Variants in CTNNA3 observed in about 807,000 individuals in gnomAD.
CTNNA3 encodes the protein catenin alpha 3, also known as catenin alpha-3.
Under a neutral mutation model 95.7 loss-of-function variants are expected in CTNNA3, and 76 were observed. The ratio of observed to expected loss-of-function variants is 0.79; its 90% CI spans 0.66 to 0.96. The LOEUF is 0.96. Among genes scored for constraint, CTNNA3 ranks in the 40% least tolerant of loss-of-function variants. The probability of loss-of-function intolerance (pLI) is 0.00; values close to 1 mark genes in which losing one functional copy is unlikely to be tolerated. For missense variants in CTNNA3, 1,191 were observed against 1,089.8 expected (o/e 1.09, Z -1.31); for synonymous variants, 431 against 374.4 (o/e 1.15, Z -1.74).
intron 1 of CTNNA3, among the ~76,000 whole-genome samples, chr10:67,710,044 T>C (rs1458976292): frequency 6.6e-6 from 1 of 151,952 alleles, no homozygotes; most frequent in African/African-American, 2.4e-5. Context: ...AAAAGAAACT[T>C]GAGAAGAAGC....
intron 13 of CTNNA3, among the ~76,000 whole-genome samples, chr10:66,173,929 A>C (rs545865169): frequency 3.9e-5 from 6 of 152,330 alleles, no homozygotes; most frequent in Admixed American, 3.3e-4. Context: ...TAACTTGCTC[A>C]GCTGGTAAGC....
At chr10:66,360,623 C>CTT (rs2092648926) in intron 12 of CTNNA3, among the ~76,000 whole-genome samples, 2 of 37,464 alleles carry the variant, frequency 5.3e-5, no homozygotes, top group Admixed American at 6.5e-4. Context: ...TTCTTTCTTT[C>CTT]TTTCTTTCTT....
intron 10 of CTNNA3, among the ~76,000 whole-genome samples, chr10:66,588,772 C>A (rs1843448142): frequency 6.6e-6 from 1 of 152,040 alleles, no homozygotes; most frequent in South Asian, 2.1e-4. Context: ...ATATTAGGTG[C>A]ATGAAATCTT....
chr10:67,595,803 A>G (rs1219663706), intron 3 of CTNNA3, among the ~76,000 whole-genome samples: 1 of 152,118 alleles, frequency 6.6e-6, no homozygotes, highest in Non-Finnish European at 1.5e-5. Flanking sequence ...ATCAATCTGG[A>G]TGCTCTAGTG....
chr10:65,922,749 T>G (rs2077108412), intron 17 of CTNNA3, among the ~76,000 whole-genome samples: 1 of 152,176 alleles, frequency 6.6e-6, no homozygotes, highest in Non-Finnish European at 1.5e-5. Flanking sequence ...CTCAATGTAG[T>G]TATTTTTAAA....
intron 15 of CTNNA3, among the ~76,000 whole-genome samples, chr10:66,018,786 T>G (rs542889154): frequency 2.6e-5 from 4 of 152,116 alleles, no homozygotes; most frequent in African/African-American, 9.7e-5. Context: ...TTGTTAGATA[T>G]CATAATTTGA....
rs138190653 is a variant in CTNNA3 at position 67,093,703 on chromosome 10, G to A, written c.1047+86614C>T. Among the ~76,000 whole-genome samples, 60 of 152,004 alleles carry A rather than the reference G, an allele frequency of 3.9e-4. No homozygotes were observed. In the East Asian group the frequency reaches 5.0e-3, roughly 13 times the overall value. On this transcript the variant is annotated intron_variant, in intron 7 of 17. Coordinates refer to ENST00000433211, the MANE Select transcript of CTNNA3 (RefSeq NM_013266.4). ...ACAAAAGATTGCTGAATTCACAGTC[G>A]TTGCCCAAACCTCTGCATCAGGTAT...
chr10:67,675,397 C>T (rs748210453), intron 1 of CTNNA3, among the ~76,000 whole-genome samples: 29 of 152,070 alleles, frequency 1.9e-4, no homozygotes, highest in Admixed American at 7.2e-4. Context: ...CTTAGCTTGC[C>T]CCAGGCTATA....
chr10:66,736,454 A>G (rs976458262), intron 9 of CTNNA3, among the ~76,000 whole-genome samples: 6 of 151,696 alleles, frequency 4.0e-5, no homozygotes, highest in African/African-American at 7.3e-5. Context: ...CGGCCTCCCA[A>G]TGTGCTGAGA....
At chr10:67,249,336 T>C (rs1408904153) in intron 5 of CTNNA3, among the ~76,000 whole-genome samples, 1 of 152,174 alleles carries the variant, frequency 6.6e-6, no homozygotes, top group Non-Finnish European at 1.5e-5. Context: ...GGGTGTTGGT[T>C]CCAGGACCCT....
At chr10:65,970,069 G>C (rs1445893879) in intron 16 of CTNNA3, among the ~76,000 whole-genome samples, 5 of 152,090 alleles carry the variant, frequency 3.3e-5, no homozygotes, top group Non-Finnish European at 7.4e-5. Flanking sequence ...GTTAAAAGCA[G>C]ACTTCTCTAC....
At chr10:67,315,733 A>T (rs1340216053) in intron 5 of CTNNA3, among the ~76,000 whole-genome samples, 2 of 152,184 alleles carry the variant, frequency 1.3e-5, no homozygotes, top group Non-Finnish European at 1.5e-5. Context: ...GAACAAACAA[A>T]AAATGTACTA....
chr10:66,927,420 CCT>C lies in CTNNA3; in HGVS notation c.1048-151898_1048-151897del. 1 of 1,614,092 alleles carries C rather than the reference CCT, an allele frequency of 6.2e-7. No homozygotes were observed. Among genetic ancestry groups the C allele is most frequent in the Non-Finnish European group, 8.5e-7 (1 of 1,180,038 alleles). Reference sequence around the variant, plus strand: ...TGAGTTTACATTTACGGTCTAACTCCCTGAGAACCATCCCTGTGCGAATATTC... The same window carrying C: ...TGAGTTTACATTTACGGTCTAACTCCGAGAACCATCCCTGTGCGAATATTC... On this transcript the variant is annotated intron_variant, in intron 7 of 17. Transcript: ENST00000433211. This position sits in a 1 kb window ranked among gnomAD's most constrained non-coding sequence, Gnocchi z 4.7.
intron 11 of CTNNA3, among the ~76,000 whole-genome samples, chr10:66,438,594 G>A (rs1195018657): frequency 6.6e-6 from 1 of 152,124 alleles, no homozygotes; most frequent in Non-Finnish European, 1.5e-5. Context: ...CTCCTGTGCT[G>A]ACAGCGAGAA....
At chr10:67,563,645 A>G (rs986535729) in intron 3 of CTNNA3, among the ~76,000 whole-genome samples, 2 of 152,174 alleles carry the variant, frequency 1.3e-5, no homozygotes, top group African/African-American at 2.4e-5. Flanking sequence ...GACAAATGGG[A>G]TCTAATTAAA....
chr10:66,247,664 C>A (rs1433716325), intron 13 of CTNNA3, among the ~76,000 whole-genome samples: 6 of 152,084 alleles, frequency 3.9e-5, no homozygotes, highest in Non-Finnish European at 8.8e-5. Flanking sequence ...TCAGTGGAAA[C>A]CTTATGGGCA....
intron 7 of CTNNA3, among the ~76,000 whole-genome samples, chr10:66,851,679 G>A (rs1056597963): frequency 1.5e-5 from 2 of 135,566 alleles, no homozygotes; most frequent in Admixed American, 7.6e-5. Flanking sequence ...CACGCCATGT[G>A]ATATGCCAGC....
intron 13 of CTNNA3, among the ~76,000 whole-genome samples, chr10:66,260,197 CA>C (rs1314195020): frequency 6.6e-6 from 1 of 152,064 alleles, no homozygotes; most frequent in Non-Finnish European, 1.5e-5. Flanking sequence ...AAAAGAAGGC[CA>C]AAAATGTAAC....
chr10:66,753,862 CATT>C (rs1170025324), intron 9 of CTNNA3, among the ~76,000 whole-genome samples: 2 of 151,542 alleles, frequency 1.3e-5, no homozygotes, highest in Non-Finnish European at 2.9e-5. Flanking sequence ...AACTACAAAA[CATT>C]GTTGAAAAAA....
Sources: gnomAD v4.1 joint callset for allele counts (sites outside exome capture counted in the v4.1 genomes callset) on GRCh38, gnomAD v4.1.1 for gene constraint, Gnocchi (gnomAD v3.1) non-coding constraint, MANE v1.5 for transcripts, NCBI Gene and HGNC (gene_info 2026-07-23, HGNC 2026-07-21) for gene names.